ARHGEF40: variants seen among roughly 807,000 people sequenced by gnomAD.
ARHGEF40 encodes the protein Rho guanine nucleotide exchange factor (GEF) 40.
ARHGEF40 carries 98 observed loss-of-function variants against 165.9 expected under a neutral mutation model. The ratio of observed to expected loss-of-function variants is 0.59; its 90% confidence interval spans 0.50 to 0.70. The LOEUF is 0.70. Among genes scored for constraint, ARHGEF40 ranks in the 30% least tolerant of loss-of-function variants. The pLI is 0.00. For missense variants in ARHGEF40, 1,815 were observed against 1,968.0 expected (o/e 0.92, Z 1.47); for synonymous variants, 792 against 814.3 (o/e 0.97, Z 0.47).
At chr14:21,080,199 G>GACACACAC (rs71112543) in intron 11 of ARHGEF40, among the ~76,000 whole-genome samples, 4 of 135,318 alleles carry the variant, frequency 3.0e-5, no homozygotes, top group East Asian at 2.2e-4. Flanking sequence ...ATTAAAGCCG[G>GACACACAC]ACACACACAC....
intron 8 of ARHGEF40, among the ~76,000 whole-genome samples, chr14:21,077,263 C>A (rs61978200): frequency 0.036 from 5,456 of 151,246 alleles, 127 homozygotes; most frequent in South Asian, 0.084. Flanking sequence ...TGCCACCACA[C>A]CCACCTAGTT....
intron 10 of ARHGEF40, 38 bp from the exon 11 acceptor site, chr14:21,078,846 C>A (rs764889835): frequency 1.3e-6 from 2 of 1,598,260 alleles, no homozygotes; most frequent in African/African-American, 2.7e-5. Context: ...AGGGGCTCAA[C>A]AAGGGAAATG....
chr14:21,061,938 A>G, the ARHGEF40 span, among the ~76,000 whole-genome samples: 3 of 152,362 alleles, frequency 2.0e-5, no homozygotes, highest in East Asian at 3.9e-4. Flanking sequence ...CAAATGCCCA[A>G]ATTACTTTAT....
At chr14:21,066,782 C>A (rs1381577056), upstream of ARHGEF40, among the ~76,000 whole-genome samples, 1 of 152,078 alleles carries the variant, frequency 6.6e-6, no homozygotes. Flanking sequence ...ACACTTAGTT[C>A]GGAGAAGACA....
At chr14:21,085,554 T>C in intron 18 of ARHGEF40, 135 bp from the exon 19 acceptor site, 1 of 1,015,432 alleles carries the variant, frequency 9.8e-7, no homozygotes, top group Non-Finnish European at 1.4e-6. Flanking sequence ...CGTAGAGCAC[T>C]TGGCACGTGA....
Position 21,074,974 on chromosome 14 carries a change from G to T in ARHGEF40, c.1244G>T (p.Gly415Val). The change falls in exon 3 of 24, where the codon GGC (glycine) becomes GTC (valine). Residue 415 changes from glycine (G) to valine (V), a missense_variant. Gly to Val is a moderately radical substitution (Grantham distance 109). Coordinates refer to ENST00000298694, the MANE Select transcript of ARHGEF40 (RefSeq NM_018071.5). The surrounding 1 kb of genome is among the most constrained non-coding windows in gnomAD (Gnocchi z 4.8). Reference sequence around the variant, plus strand: ...GATGCCAGCCACCAAGAAGCCCTTGGCAATCTGCCCTCACCAAGTGAGCAC... The same window carrying T: ...GATGCCAGCCACCAAGAAGCCCTTGTCAATCTGCCCTCACCAAGTGAGCAC... ...KEDASHQEAL[G>V]NLPSPSEHKL... 6.2e-7 allele frequency: 1 copy of T among 1,611,424 alleles called. No homozygotes were observed. Among genetic ancestry groups the T allele is most frequent in the South Asian group, 1.1e-5 (1 of 90,868 alleles).
the ARHGEF40 span, among the ~76,000 whole-genome samples, chr14:21,065,215 A>G: frequency 2.0e-5 from 3 of 151,884 alleles, no homozygotes; most frequent in African/African-American, 7.3e-5. Flanking sequence ...TCTGTCCTGC[A>G]TGCCTTCCAC....
At chr14:21,070,152 A>G (rs1202588120), upstream of ARHGEF40, 2 of 212,734 alleles carry the variant, frequency 9.4e-6, no homozygotes, top group Non-Finnish European at 1.8e-5. The surrounding 1 kb of genome is among the most constrained non-coding windows in gnomAD (Gnocchi z 4.7). Flanking sequence ...CGGGAGACAG[A>G]GTCCCGGCAA....
At position 21,074,003 on chromosome 14, in the gene ARHGEF40, G is replaced by C; in HGVS notation, c.273G>C (p.Gln91His). Reference sequence around the variant, plus strand: ...GCCTGCATGAACAGGTGGTGGTGCAGCTAGCAGCCCTACCCTGGCAACTGC... The same window carrying C: ...GCCTGCATGAACAGGTGGTGGTGCACCTAGCAGCCCTACCCTGGCAACTGC... The part of the protein sequence containing the change: ...PLCLHEQVVV[Q>H]LAALPWQLLR... Residue 91 changes from glutamine to histidine, a missense_variant, in exon 3 of 24, where the codon CAG becomes CAC. Coordinates refer to ENST00000298694, the MANE Select transcript of ARHGEF40 (RefSeq NM_018071.5). This position sits in a 1 kb window ranked among gnomAD's most constrained non-coding sequence, Gnocchi z 4.8. 6.2e-7 allele frequency: 1 copy of C among 1,613,586 alleles called. No individual in the cohort carries two copies. Among genetic ancestry groups the C allele is most frequent in the Non-Finnish European group, 8.5e-7 (1 of 1,180,018 alleles).
chr14:21,076,387 C>T lies in ARHGEF40; in HGVS notation c.1767C>T (p.Ser589=), dbSNP rs114352616. 1.4e-4 allele frequency: 227 copies of T among 1,613,512 alleles called. No homozygotes were observed. In the African/African-American group the frequency reaches 1.5e-3, roughly 11 times the overall value. Residue 589 remains serine, a synonymous_variant, in exon 6 of 24, where the codon TCC becomes TCT. Transcript: ENST00000298694. The part of the protein sequence containing the change: ...LRPDLQTLGL[S]VLLDLRQAPP... ...CTGATCTACAGACACTGGGGCTGTC[C>T]GTCCTGCTGGACCTTCGTCAGGCAC...
rs772897467 is a variant in ARHGEF40 at position 21,085,719 on chromosome 14, G to A, written c.3991G>A (p.Gly1331Arg). The change falls in exon 19 of 24, where the codon GGG becomes AGG. Residue 1331 changes from glycine (G) to arginine (R), a missense_variant. Physicochemically the swap from Gly to Arg is moderately radical, Grantham distance 125. Coordinates refer to ENST00000298694, the MANE Select transcript of ARHGEF40 (RefSeq NM_018071.5). ...TADMGLTENI[G>R]DSGLCFELWF... is the part of the protein sequence containing the mutation. Reference sequence around the variant, plus strand: ...TGATATGGGGCTGACAGAAAACATCGGGGACAGCGGACTCTGCTTTGAGTT... The same window carrying A: ...TGATATGGGGCTGACAGAAAACATCAGGGACAGCGGACTCTGCTTTGAGTT... The A allele has an allele frequency of 1.7e-5, 27 of 1,613,968 alleles. No individual in the cohort carries two copies. Among genetic ancestry groups the A allele is most frequent in the Admixed American group, 1.3e-4 (8 of 60,006 alleles).
At position 21,087,085 on chromosome 14, in the gene ARHGEF40, G is replaced by A. The variant is rs755033803; in HGVS notation, c.4223G>A (p.Ser1408Asn). ...AAAGCCCTTGGGGAGCGGACGCTGA[G>A]TGCCCTGCTCACTGGAAGAGGTGAG... ...DIKALGERTL[S>N]ALLTGRAART... Residue 1408 changes from serine to asparagine, a missense_variant, in exon 20 of 24, where the codon AGT becomes AAT. By Grantham distance (46) the Ser-to-Asn change is conservative (BLOSUM62 1). Coordinates refer to ENST00000298694, the MANE Select transcript of ARHGEF40 (RefSeq NM_018071.5). The A allele has an allele frequency of 3.3e-5, 53 of 1,608,446 alleles. No homozygotes were observed. The highest frequency in any genetic ancestry group is 5.1e-5 in the Admixed American group (3 of 59,098).
rs1179484105 is a variant in ARHGEF40 at position 21,074,660 on chromosome 14, C to T, written c.930C>T (p.Ser310=). ...GAGCACGCCCACCCGGCGAGGGGAG[C>T]AGCACCGGAGCCTCCCCTGAGTCTC... ...QDGARPPGEG[S]STGASPESPP... is the part of the protein sequence containing the mutation. The change falls in exon 3 of 24, where the codon AGC becomes AGT. Residue 310 remains serine, a synonymous_variant. Transcript: ENST00000298694. This position sits in a 1 kb window ranked among gnomAD's most constrained non-coding sequence, Gnocchi z 4.8. The T allele has an allele frequency of 1.3e-6, 2 of 1,568,350 alleles. No individual in the cohort carries two copies. Among genetic ancestry groups the T allele is most frequent in the Non-Finnish European group, 8.6e-7 (1 of 1,158,218 alleles).
In ARHGEF40 at chr14:21,084,882, G is replaced by T. The variant is rs767745117; in HGVS notation, c.3919G>T (p.Glu1307Ter). Residue 1307 changes from glutamate (E) to a stop codon, truncating the protein, a stop_gained, in exon 18 of 24, where the codon GAA becomes TAA. Transcript: ENST00000298694. LOFTEE classifies it high-confidence loss of function. ...CCTGTTCAGCAAGCTCAAGGGCCCT[G>T]AAGGGGGGTCAGAGATGTTTGTTTA... Reference protein sequence around the residue: ...LLLFSKLKGPEGGSEMFVYKQ... With the variant: ...LLLFSKLKGP The T allele has an allele frequency of 7.4e-6, 12 of 1,614,054 alleles. No homozygotes were observed. The Admixed American group carries it at 1.3e-4, about 18-fold the overall frequency.
At chr14:21,080,844 C>T (rs1233840349) in intron 12 of ARHGEF40, 29 bp from the exon 13 acceptor site, 1 of 1,609,798 alleles carries the variant, frequency 6.2e-7, no homozygotes. Context: ...GAGTGAGGAC[C>T]AGGTCTGAGC....
At chr14:21,085,108 A>G (rs945826947) in intron 18 of ARHGEF40, among the ~76,000 whole-genome samples, 185 bp downstream of exon 18, 5 of 152,134 alleles carry the variant, frequency 3.3e-5, no homozygotes, top group Non-Finnish European at 2.9e-5. Flanking sequence ...TCTTTGGTCT[A>G]CCTCATGAGG....
Position 21,089,146 on chromosome 14 carries a change from G to A in ARHGEF40, c.*138G>A, listed in dbSNP as rs958348121. ...TTCCTGGACACAGAGGAGGTCTAACGACCAGAGTATTGCCCTGCCACCACT... is the reference window on the plus strand; with the variant it reads ...TTCCTGGACACAGAGGAGGTCTAACAACCAGAGTATTGCCCTGCCACCACT... On this transcript the variant is annotated 3_prime_UTR_variant, in exon 24 of 24. Coordinates refer to ENST00000298694, the MANE Select transcript of ARHGEF40 (RefSeq NM_018071.5). 6 of 434,964 alleles carry A rather than the reference G, an allele frequency of 1.4e-5. No homozygotes were observed. The highest frequency in any genetic ancestry group is 4.1e-5 in the Admixed American group (1 of 24,322). The allele number at this position is 434,964 out of a possible 1,614,324, so 26.9% of individuals were successfully genotyped here.
chr14:21,062,637 A>G, the ARHGEF40 span, among the ~76,000 whole-genome samples: 1 of 152,014 alleles, frequency 6.6e-6, no homozygotes, highest in Non-Finnish European at 1.5e-5. Flanking sequence ...CTCCTTGGCC[A>G]AACTTGGAGT....
chr14:21,087,409 C>A lies in ARHGEF40; in HGVS notation c.4333C>A (p.Pro1445Thr). Residue 1445 changes from proline (P) to threonine (T), a missense_variant, in exon 21 of 24, where the codon CCT becomes ACT. Coordinates refer to ENST00000298694, the MANE Select transcript of ARHGEF40 (RefSeq NM_018071.5). Reference protein sequence around the residue: ...PGLSPGACSLPARVEEEAWDL... With the variant: ...PGLSPGACSLTARVEEEAWDL... ...CCTTTCGCCGGGAGCCTGCTCCCTG[C>A]CTGCCCGCGTCGAGGAGGAGGCCTG... is the stretch of plus-strand genomic sequence containing the variant. 1 of 1,602,128 alleles carries A rather than the reference C, an allele frequency of 6.2e-7. No homozygotes were observed. The highest frequency in any genetic ancestry group is 8.5e-7 in the Non-Finnish European group (1 of 1,179,942).
Sources: gnomAD v4.1 joint callset for allele counts (sites outside exome capture counted in the v4.1 genomes callset) on GRCh38, gnomAD v4.1.1 for gene constraint, Gnocchi (gnomAD v3.1) non-coding constraint, MANE v1.5 for transcripts, NCBI Gene and HGNC (gene_info 2026-07-23, HGNC 2026-07-21) for gene names.